Variants in TTC12 observed in about 807,000 individuals in gnomAD.
The protein encoded by TTC12 is tetratricopeptide repeat protein 12.
TTC12 carries 70 observed loss-of-function variants against 90.1 expected under a neutral mutation model. That is an observed-to-expected ratio of 0.78 (90% confidence interval 0.64 to 0.95). The LOEUF is 0.95. Among genes scored for constraint, TTC12 ranks in the 40% least tolerant of loss-of-function variants. The pLI is 0.00. For missense variants in TTC12, 819 were observed against 846.1 expected (o/e 0.97, Z 0.40); for synonymous variants, 296 against 311.5 (o/e 0.95, Z 0.53).
chr11:113,342,671 TTTC>T (rs1948746720), intron 12 of TTC12, among the ~76,000 whole-genome samples: 1 of 152,196 alleles, frequency 6.6e-6, no homozygotes. Context: ...TACCTTTTTT[TTTC>T]TTCTTTAGTA....
intron 8 of TTC12, among the ~76,000 whole-genome samples, chr11:113,336,661 C>G (rs1367312773): frequency 6.6e-6 from 1 of 152,116 alleles, no homozygotes; most frequent in African/African-American, 2.4e-5. Context: ...ATCAATTGAC[C>G]ATAAATATAT....
intron 6 of TTC12, among the ~76,000 whole-genome samples, chr11:113,326,660 A>G (rs1947713021): frequency 6.6e-6 from 1 of 152,216 alleles, no homozygotes; most frequent in South Asian, 2.1e-4. Flanking sequence ...TAGTTTAGCA[A>G]TTTGGATATG....
chr11:113,356,126 T>A (rs970448935), intron 16 of TTC12, among the ~76,000 whole-genome samples: 10 of 152,256 alleles, frequency 6.6e-5, no homozygotes, highest in African/African-American at 2.4e-4. Flanking sequence ...TGTTTCTGTG[T>A]TTGGTGCATA....
In TTC12 at chr11:113,338,764, T is replaced by A; in HGVS notation, c.577-10T>A. 1.2e-6 allele frequency: 2 copies of A among 1,611,542 alleles called. No homozygotes were observed. Among genetic ancestry groups the A allele is most frequent in the Non-Finnish European group, 1.7e-6 (2 of 1,177,922 alleles). ...CAACCACTCTTCAAGGTCTTGTTTC[T>A]TTTTTCCAGTCTAGAGAGTGTTATA... On this transcript the variant is annotated splice_polypyrimidine_tract_variant and intron_variant, in intron 8 of 21. Coordinates refer to ENST00000529221, the MANE Select transcript of TTC12 (RefSeq NM_017868.4).
At chr11:113,327,011 T>G (rs1947736763) in intron 6 of TTC12, among the ~76,000 whole-genome samples, 1 of 152,200 alleles carries the variant, frequency 6.6e-6, no homozygotes, top group Admixed American at 6.5e-5. Flanking sequence ...ATTACCAAAT[T>G]TGGTCTCTAA....
chr11:113,352,559 G>A (rs1555150807), intron 16 of TTC12, among the ~76,000 whole-genome samples: 1 of 151,832 alleles, frequency 6.6e-6, no homozygotes, highest in Non-Finnish European at 1.5e-5. Context: ...CGTTACCCAG[G>A]TATTAAGCCT....
rs1950203321 is a variant in TTC12, at chr11:113,366,242, G to C, written c.2060G>C (p.Arg687Thr). Residue 687 changes from arginine (R) to threonine (T), a missense_variant, in exon 22 of 22, where the codon AGA becomes ACA. Arg to Thr is a moderately conservative substitution (Grantham distance 71). Coordinates refer to ENST00000529221, the MANE Select transcript of TTC12 (RefSeq NM_017868.4). ...TGTGACAGATTTGCTGCTCAACTGA[G>C]AAAGCTTCATGGCCTAGAAATTCTC... is the stretch of plus-strand genomic sequence containing the variant. ...TAEPRFAAQL[R>T]KLHGLEILNS... is the part of the protein sequence containing the mutation. 1 of 1,613,430 alleles carries C rather than the reference G, an allele frequency of 6.2e-7. No individual in the cohort carries two copies. The highest frequency in any genetic ancestry group is 8.5e-7 in the Non-Finnish European group (1 of 1,180,028).
intron 2 of TTC12, among the ~76,000 whole-genome samples, chr11:113,317,418 A>G (rs1429385932): frequency 6.6e-6 from 1 of 152,018 alleles, no homozygotes; most frequent in Non-Finnish European, 1.5e-5. Flanking sequence ...ACTCCTCCCA[A>G]CTCATAACCC....
chr11:113,359,286 C>A, intron 16 of TTC12, 77 bp from the exon 17 acceptor site: 1 of 954,544 alleles, frequency 1.0e-6, no homozygotes, highest in South Asian at 1.5e-5. Flanking sequence ...ACTCTGAGAC[C>A]CTTGTCCAAG....
chr11:113,330,807 TTTTGCACAGCAC>T, intron 7 of TTC12, among the ~76,000 whole-genome samples: 1 of 152,320 alleles, frequency 6.6e-6, no homozygotes, highest in Non-Finnish European at 1.5e-5. Context: ...ACCTTGTTAA[TTTTGCACAGCAC>T]TTCATAAAAC....
intron 18 of TTC12, 114 bp from the exon 19 acceptor site, chr11:113,362,287 A>T: frequency 1.4e-6 from 1 of 702,058 alleles, no homozygotes; most frequent in Non-Finnish European, 2.5e-6. Context: ...TATTTTTTAT[A>T]TTTTGCTTCC....
chr11:113,336,261 T>G (rs1591554829), intron 8 of TTC12, among the ~76,000 whole-genome samples: 1 of 152,312 alleles, frequency 6.6e-6, no homozygotes, highest in African/African-American at 2.4e-5. Flanking sequence ...TAAATGTTAT[T>G]TATATATTCT....
chr11:113,333,552 A>T (rs79820003), intron 7 of TTC12, among the ~76,000 whole-genome samples: 2,140 of 152,068 alleles, frequency 0.014, 44 homozygotes, highest in African/African-American at 0.047. Flanking sequence ...TCCGCTTGTT[A>T]TCTGTGTGAC....
intron 6 of TTC12, among the ~76,000 whole-genome samples, chr11:113,328,379 G>C (rs1371303020): frequency 1.3e-5 from 2 of 152,130 alleles, no homozygotes; most frequent in East Asian, 3.8e-4. Flanking sequence ...CTAGTCCTTA[G>C]AAACATTGAA....
At chr11:113,364,217 CTT>C (rs1372839767) in intron 20 of TTC12, among the ~76,000 whole-genome samples, 1 of 152,212 alleles carries the variant, frequency 6.6e-6, no homozygotes, top group Non-Finnish European at 1.5e-5. Context: ...AGTTCTCTGC[CTT>C]CACAGAAGGA....
At chr11:113,318,519 T>C (rs1269565748) in intron 2 of TTC12, among the ~76,000 whole-genome samples, 2 of 152,244 alleles carry the variant, frequency 1.3e-5, no homozygotes, top group Non-Finnish European at 2.9e-5. Context: ...ACTAGTCATA[T>C]TGGATTAGGG....
chr11:113,342,803 C>T (rs1555146623), intron 12 of TTC12, among the ~76,000 whole-genome samples: 3 of 152,226 alleles, frequency 2.0e-5, no homozygotes, highest in South Asian at 2.1e-4. Flanking sequence ...CTGTCATCAT[C>T]AAGGTGCCTT....
intron 13 of TTC12, 81 bp downstream of exon 13, chr11:113,344,521 A>G (rs1029556125): frequency 1.0e-5 from 14 of 1,374,174 alleles, no homozygotes; most frequent in Admixed American, 5.9e-5. Context: ...CTCCCCTCCT[A>G]TCTCTGTTGT....
intron 21 of TTC12, among the ~76,000 whole-genome samples, chr11:113,372,243 C>T (rs979575821): frequency 6.6e-6 from 1 of 152,208 alleles, no homozygotes; most frequent in Non-Finnish European, 1.5e-5. Flanking sequence ...GTATCATCAA[C>T]ATCAGGGGAA....
Sources: gnomAD v4.1 joint callset for allele counts (sites outside exome capture counted in the v4.1 genomes callset) on GRCh38, gnomAD v4.1.1 for gene constraint, MANE v1.5 for transcripts, NCBI Gene and HGNC (gene_info 2026-07-23, HGNC 2026-07-21) for gene names.